Variants in FAM222B observed in about 807,000 individuals in gnomAD.
The protein encoded by FAM222B is family with sequence similarity 222 member B.
A neutral mutation model predicts 38.0 loss-of-function variants in FAM222B; 12 were observed. That is an observed-to-expected ratio of 0.32 (90% CI 0.20 to 0.51). The LOEUF (loss-of-function observed/expected upper bound fraction) is 0.51. Among genes scored for constraint, FAM222B ranks in the 20% least tolerant of loss-of-function variants. The probability of loss-of-function intolerance (pLI) is 0.97; values close to 1 mark genes in which losing one functional copy is unlikely to be tolerated. For missense variants in FAM222B, 716 were observed against 754.2 expected, an observed-to-expected ratio of 0.95 and a Z score of 0.59; for synonymous variants, 329 against 317.2, an observed-to-expected ratio of 1.04 and a Z score of -0.40.
chr17:28,782,349 T>C (rs2036201666), intron 1 of FAM222B, among the ~76,000 whole-genome samples: 1 of 151,946 alleles, frequency 6.6e-6, no homozygotes, highest in Admixed American at 6.6e-5. Flanking sequence ...AAATAAAATC[T>C]AATTTAGGGA....
At chr17:28,843,028 T>C (rs996572161), upstream of FAM222B, among the ~76,000 whole-genome samples, 8 of 152,178 alleles carry the variant, frequency 5.3e-5, no homozygotes, top group Non-Finnish European at 1.0e-4. Context: ...TGGATCGCGC[T>C]TCCCCAAGGA....
intron 1 of FAM222B, among the ~76,000 whole-genome samples, chr17:28,808,229 G>C (rs950303825): frequency 1.3e-5 from 2 of 152,138 alleles, no homozygotes; most frequent in Admixed American, 1.3e-4. Context: ...CAAACACAGT[G>C]GTGTCTTAAC....
chr17:28,784,237 G>A (rs778437608), intron 1 of FAM222B, among the ~76,000 whole-genome samples: 4 of 152,014 alleles, frequency 2.6e-5, no homozygotes, highest in Non-Finnish European at 4.4e-5. Context: ...TACTCAGGAG[G>A]CTGAGGTAGG....
At chr17:28,838,358 A>G (rs1463566706) in intron 1 of FAM222B, among the ~76,000 whole-genome samples, 1 of 151,746 alleles carries the variant, frequency 6.6e-6, no homozygotes. Context: ...AGGTAGGCAG[A>G]TCACAAGGTC....
intron 1 of FAM222B, among the ~76,000 whole-genome samples, chr17:28,829,272 T>A (rs1454030791): frequency 6.7e-6 from 1 of 149,904 alleles, no homozygotes; most frequent in Non-Finnish European, 1.5e-5. Context: ...TGGAGTGCAA[T>A]GGCGCCATCT....
intron 1 of FAM222B, among the ~76,000 whole-genome samples, chr17:28,824,342 AC>A (rs1047866788): frequency 5.4e-5 from 8 of 148,778 alleles, no homozygotes; most frequent in African/African-American, 2.0e-4. Flanking sequence ...GTACTACCAC[AC>A]CTGGCTAATT....
chr17:28,837,152 C>T (rs548902994), intron 1 of FAM222B, among the ~76,000 whole-genome samples: 1 of 151,230 alleles, frequency 6.6e-6, no homozygotes, highest in East Asian at 2.0e-4. Flanking sequence ...ATTTAAAGGC[C>T]AGGTGCGGTG....
At chr17:28,763,432 A>C (rs1209268893) in intron 2 of FAM222B, among the ~76,000 whole-genome samples, 1 of 152,276 alleles carries the variant, frequency 6.6e-6, no homozygotes, top group Non-Finnish European at 1.5e-5. Flanking sequence ...CCTGGCCTTC[A>C]GCCTGAGAGT....
At position 28,759,125 on chromosome 17, in the gene FAM222B, C is replaced by G. The variant is rs373106054; in HGVS notation, c.834G>C (p.Thr278=). ...IVHQINQFCQ[T]RAGISTTSVC... ...CTGAGGTAGTGCTGATGCCTGCCCT[C>G]GTCTGGCAAAACTGGTTGATCTGGT... is the stretch of plus-strand genomic sequence containing the variant. Residue 278 remains threonine, a synonymous_variant, in exon 3 of 3, where the codon ACG becomes ACC. Coordinates refer to ENST00000581407, the MANE Select transcript of FAM222B (RefSeq NM_001077498.3). This position sits in a 1 kb window ranked among gnomAD's most constrained non-coding sequence, Gnocchi z 4.8. The G allele has an allele frequency of 6.2e-7, 1 of 1,611,586 alleles. No homozygotes were observed. The highest frequency in any genetic ancestry group is 8.5e-7 in the Non-Finnish European group (1 of 1,179,060).
At chr17:28,772,693 G>A (rs1237153016) in intron 1 of FAM222B, among the ~76,000 whole-genome samples, 4 of 151,770 alleles carry the variant, frequency 2.6e-5, no homozygotes, top group South Asian at 2.1e-4. Flanking sequence ...TCAGGAGTTC[G>A]AGACCAGCCT....
intron 1 of FAM222B, among the ~76,000 whole-genome samples, chr17:28,815,230 T>A (rs1462993149): frequency 2.2e-5 from 3 of 138,452 alleles, no homozygotes; most frequent in Non-Finnish European, 4.7e-5. Context: ...TTTTTTTTTT[T>A]AAAGACAGAG....
intron 1 of FAM222B, among the ~76,000 whole-genome samples, chr17:28,787,826 C>CTTTTT (rs59467944): frequency 0.053 from 6,914 of 130,008 alleles, 768 homozygotes; most frequent in African/African-American, 0.18. Flanking sequence ...ATAAAGTAGT[C>CTTTTT]TTTTTTTTTT....
intron 1 of FAM222B, among the ~76,000 whole-genome samples, chr17:28,841,658 G>C (rs1488709033): frequency 1.3e-5 from 2 of 152,216 alleles, no homozygotes; most frequent in Non-Finnish European, 2.9e-5. Flanking sequence ...ACAGACATGA[G>C]CCACTGCACC....
At chr17:28,784,948 G>T (rs938941831) in intron 1 of FAM222B, among the ~76,000 whole-genome samples, 2 of 151,746 alleles carry the variant, frequency 1.3e-5, no homozygotes, top group Non-Finnish European at 2.9e-5. Context: ...TAGAGATGGG[G>T]TCTCACTATG....
At chr17:28,839,636 T>G (rs1030420013) in intron 1 of FAM222B, among the ~76,000 whole-genome samples, 1 of 152,196 alleles carries the variant, frequency 6.6e-6, no homozygotes, top group Non-Finnish European at 1.5e-5. Flanking sequence ...AGCTTTAACA[T>G]TTTATACTCT....
At chr17:28,806,533 A>G (rs748307811) in intron 1 of FAM222B, among the ~76,000 whole-genome samples, 2 of 152,196 alleles carry the variant, frequency 1.3e-5, no homozygotes, top group Non-Finnish European at 2.9e-5. Flanking sequence ...GGTCAGGAGT[A>G]CTGCTTGAGT....
At chr17:28,806,167 G>A (rs949769208) in intron 1 of FAM222B, among the ~76,000 whole-genome samples, 2 of 151,592 alleles carry the variant, frequency 1.3e-5, no homozygotes, top group Non-Finnish European at 2.9e-5. Flanking sequence ...AAAAAAAAGT[G>A]TCCTTGAGAA....
chr17:28,773,691 G>A (rs1168103526), intron 1 of FAM222B, among the ~76,000 whole-genome samples: 7 of 151,728 alleles, frequency 4.6e-5, no homozygotes, highest in African/African-American at 7.3e-5. Flanking sequence ...CCAGCTACTC[G>A]AGAGGCTGAG....
chr17:28,844,371 T>G (rs954067041), upstream of FAM222B, among the ~76,000 whole-genome samples: 1 of 151,900 alleles, frequency 6.6e-6, no homozygotes, highest in Non-Finnish European at 1.5e-5. Context: ...TTAAAAAAAT[T>G]TAAATAGGCC....
Sources: gnomAD v4.1 joint callset for allele counts (sites outside exome capture counted in the v4.1 genomes callset) on GRCh38, gnomAD v4.1.1 for gene constraint, Gnocchi (gnomAD v3.1) non-coding constraint, MANE v1.5 for transcripts, NCBI Gene and HGNC (gene_info 2026-07-23, HGNC 2026-07-21) for gene names.